The following CRIM1 variants were observed in gnomAD, a reference collection of about 807,000 sequenced individuals.
CRIM1 encodes the protein cysteine-rich motor neuron 1 protein.
In CRIM1, 32 loss-of-function variants were observed where a neutral mutation model predicts 116.4. The observed-to-expected ratio is 0.27, with a 90% confidence interval of 0.21 to 0.37. The LOEUF (loss-of-function observed/expected upper bound fraction) is 0.37. Among genes scored for constraint, CRIM1 ranks in the 10% least tolerant of loss-of-function variants. The probability of loss-of-function intolerance (pLI) is 1.00; values close to 1 mark genes in which losing one functional copy is unlikely to be tolerated. For missense variants in CRIM1, 1,331 were observed against 1,354.8 expected, an observed-to-expected ratio of 0.98 and a Z score of 0.28; for synonymous variants, 590 against 509.2, an observed-to-expected ratio of 1.16 and a Z score of -2.13.
chr2:36,548,440 T>G, intron 16 of CRIM1, 85 bp from the exon 17 acceptor site: 5 of 981,530 alleles, frequency 5.1e-6, no homozygotes, highest in Non-Finnish European at 7.5e-6. Context: ...TTATCTCACC[T>G]GAGTTAGGTA....
chr2:36,527,622 T>C (rs1264637348), intron 13 of CRIM1, among the ~76,000 whole-genome samples: 2 of 152,248 alleles, frequency 1.3e-5, no homozygotes, highest in African/African-American at 4.8e-5. Flanking sequence ...TTTGCTTAGA[T>C]TTCTGTTTAT....
At chr2:36,513,289 T>A (rs1459527368) in intron 10 of CRIM1, 1 of 430,852 alleles carries the variant, frequency 2.3e-6, no homozygotes, top group African/African-American at 2.0e-5. Flanking sequence ...GTATAAAATA[T>A]GAGAAAGTAC....
At position 36,547,064 on chromosome 2, in the gene CRIM1, G is replaced by A; in HGVS notation, c.2827G>A (p.Val943Ile). 6.2e-7 allele frequency: 1 copy of A among 1,612,378 alleles called. No homozygotes were observed. Among genetic ancestry groups the A allele is most frequent in the East Asian group, 2.2e-5 (1 of 44,844 alleles). ...EDSSLDSIAS[V>I]VVPIIICLSI... is the part of the protein sequence containing the mutation. ...TTCTTCACTGGACTCCATTGCCTCA[G>A]TTGTGGTTCCCATAATTATATGCCT... Residue 943 changes from valine (V) to isoleucine (I), a missense_variant, in exon 16 of 17, where the codon GTT becomes ATT. Around this residue, in one of 3 missense-constraint regions of CRIM1, gnomAD observed 283 missense variants for 242.8 expected, o/e 1.17. Transcript: ENST00000280527.
chr2:36,401,291 A>G (rs747333054), intron 2 of CRIM1, among the ~76,000 whole-genome samples: 4 of 152,204 alleles, frequency 2.6e-5, no homozygotes, highest in Non-Finnish European at 5.9e-5. Flanking sequence ...TTAAAAATAT[A>G]AAGGAAATAG....
chr2:36,438,163 AC>A (rs1429488928), intron 2 of CRIM1, among the ~76,000 whole-genome samples: 1 of 152,056 alleles, frequency 6.6e-6, no homozygotes, highest in East Asian at 1.9e-4. Flanking sequence ...GAGTGGGATA[AC>A]CAGTAAGATC....
intron 4 of CRIM1, among the ~76,000 whole-genome samples, chr2:36,458,465 G>C (rs1277778671): frequency 6.6e-6 from 1 of 152,148 alleles, no homozygotes; most frequent in Non-Finnish European, 1.5e-5. Flanking sequence ...CTTGCGCTTA[G>C]TTATGTAGGG....
chr2:36,487,869 G>A (rs1341300022), intron 7 of CRIM1, among the ~76,000 whole-genome samples: 1 of 151,956 alleles, frequency 6.6e-6, no homozygotes, highest in African/African-American at 2.4e-5. Context: ...GTATTTAAAT[G>A]GTCATATACT....
intron 13 of CRIM1, among the ~76,000 whole-genome samples, chr2:36,532,429 C>A (rs1666180338): frequency 6.6e-6 from 1 of 152,152 alleles, no homozygotes; most frequent in Non-Finnish European, 1.5e-5. Flanking sequence ...CAGAGATGTT[C>A]CTAAGGAGGA....
At chr2:36,504,436 C>T (rs532835221) in intron 8 of CRIM1, among the ~76,000 whole-genome samples, 1 of 152,146 alleles carries the variant, frequency 6.6e-6, no homozygotes, top group African/African-American at 2.4e-5. Flanking sequence ...AAATCAAAAC[C>T]CTATAGAAAC....
intron 1 of CRIM1, among the ~76,000 whole-genome samples, chr2:36,390,804 A>G (rs1671516262): frequency 6.6e-6 from 1 of 151,956 alleles, no homozygotes; most frequent in African/African-American, 2.4e-5. Flanking sequence ...TGCTCCTGAT[A>G]CTTATTTTTA....
intron 6 of CRIM1, among the ~76,000 whole-genome samples, chr2:36,477,826 G>A (rs976956911): frequency 1.3e-5 from 2 of 152,240 alleles, no homozygotes; most frequent in Admixed American, 6.5e-5. Flanking sequence ...AGATTAGGAT[G>A]TTGAAGTTCA....
At chr2:36,469,799 A>G (rs1479292921) in intron 5 of CRIM1, among the ~76,000 whole-genome samples, 1 of 152,182 alleles carries the variant, frequency 6.6e-6, no homozygotes, top group Non-Finnish European at 1.5e-5. Context: ...GTATGTGTTT[A>G]TTGAGCACCC....
intron 1 of CRIM1, among the ~76,000 whole-genome samples, chr2:36,382,877 T>A (rs961897931): frequency 2.0e-5 from 3 of 152,258 alleles, no homozygotes; most frequent in Non-Finnish European, 2.9e-5. Context: ...GTGATCATTA[T>A]TGTTCATTAC....
intron 7 of CRIM1, among the ~76,000 whole-genome samples, chr2:36,496,858 G>A (rs1403843230): frequency 6.6e-6 from 1 of 152,088 alleles, no homozygotes; most frequent in Non-Finnish European, 1.5e-5. Context: ...TCACTTTCTA[G>A]CCACAGATCA....
rs1443232423 is a variant in CRIM1 at position 36,396,702 on chromosome 2, T to C, written c.420T>C (p.Cys140=). 1.2e-6 allele frequency: 2 copies of C among 1,613,808 alleles called. No homozygotes were observed. Among genetic ancestry groups the C allele is most frequent in the Non-Finnish European group, 1.7e-6 (2 of 1,179,672 alleles). The change falls in exon 2 of 17, where the codon TGT becomes TGC. Residue 140 remains cysteine, a synonymous_variant. Transcript: ENST00000280527. ...GCTGCAATATAATCAATGGGAAATG[T>C]GAATGTAACACCATTCGAACCTGCA... ...IAGCNIINGK[C]ECNTIRTCSN... is the part of the protein sequence containing the mutation.
At chr2:36,368,116 C>T (rs1669712581) in intron 1 of CRIM1, among the ~76,000 whole-genome samples, 1 of 152,204 alleles carries the variant, frequency 6.6e-6, no homozygotes, top group African/African-American at 2.4e-5. Context: ...CTGCTGTTTT[C>T]ACTTGCCAGG....
chr2:36,521,022 G>A (rs1394621727), intron 12 of CRIM1, among the ~76,000 whole-genome samples: 1 of 152,220 alleles, frequency 6.6e-6, no homozygotes. Flanking sequence ...GAGTGGTGAA[G>A]TTGATTAGAA....
In CRIM1 at chr2:36,379,877, G is replaced by A. The variant is rs1336053090; in HGVS notation, c.332-16737G>A. Among the ~76,000 whole-genome samples, 4 of 144,834 alleles carry A rather than the reference G, an allele frequency of 2.8e-5. No homozygotes were observed. In the East Asian group the frequency reaches 8.1e-4, roughly 29 times the overall value. On this transcript the variant is annotated intron_variant, in intron 1 of 16. Transcript: ENST00000280527. ...CTTTGTGGTCAAACTTTACTCATAA[G>A]GATTTATTAAAAGCAATGGTTTGGT...
intron 4 of CRIM1, among the ~76,000 whole-genome samples, chr2:36,444,187 C>T (rs911821810): frequency 3.9e-5 from 6 of 152,164 alleles, no homozygotes; most frequent in African/African-American, 1.4e-4. Context: ...ATTCTCAGTT[C>T]ACTATTATAA....
Sources: gnomAD v4.1 joint callset for allele counts (sites outside exome capture counted in the v4.1 genomes callset) on GRCh38, gnomAD v4.1.1 for gene constraint, gnomAD v4.1.1 regional missense constraint, MANE v1.5 for transcripts, NCBI Gene and HGNC (gene_info 2026-07-23, HGNC 2026-07-21) for gene names.